HCRTR2: variants seen among roughly 807,000 people sequenced by gnomAD.
HCRTR2 encodes the protein orexin receptor type 2.
HCRTR2 carries 22 observed loss-of-function variants against 49.0 expected under a neutral mutation model. The observed-to-expected ratio is 0.45, with a 90% CI of 0.32 to 0.64. The LOEUF is 0.64. Among genes scored for constraint, HCRTR2 ranks in the 30% least tolerant of loss-of-function variants. The probability of loss-of-function intolerance (pLI) is 0.04; values close to 1 mark genes in which losing one functional copy is unlikely to be tolerated. For synonymous variants in HCRTR2, 236 were observed against 205.3 expected (o/e 1.15, Z -1.28); for missense variants, 491 against 559.4 (o/e 0.88, Z 1.23).
At chr6:55,235,319 A>G (rs532320486) in intron 1 of HCRTR2, among the ~76,000 whole-genome samples, 3 of 152,212 alleles carry the variant, frequency 2.0e-5, no homozygotes, top group South Asian at 4.1e-4. Flanking sequence ...ACATTTTTAT[A>G]CATGTGTGAT....
chr6:55,238,098 C>A lies in HCRTR2; in HGVS notation c.224-10541C>A, dbSNP rs376863429. Reference sequence around the variant, plus strand: ...ACTGGGTATTGACACTAGGATAACTCACAGGTGCTTCAAAATTACATATAC... The same window carrying A: ...ACTGGGTATTGACACTAGGATAACTAACAGGTGCTTCAAAATTACATATAC... On this transcript the variant is annotated intron_variant, in intron 1 of 6. Coordinates refer to ENST00000370862, the MANE Select transcript of HCRTR2 (RefSeq NM_001384272.1). 4.2e-4 allele frequency among the ~76,000 whole-genome samples: 64 copies of A among 152,284 alleles called. 1 individual carries two copies. Among genetic ancestry groups the A allele is most frequent in the African/African-American group, 1.4e-3 (60 of 41,570 alleles).
chr6:55,272,092 A>C (rs909450159), intron 4 of HCRTR2, among the ~76,000 whole-genome samples: 2 of 152,140 alleles, frequency 1.3e-5, no homozygotes, highest in Admixed American at 6.6e-5. Context: ...CATAGTAGCC[A>C]AAAAGTGGAA....
chr6:55,139,843 G>A (rs1173835758), intron 1 of HCRTR2, among the ~76,000 whole-genome samples: 2 of 152,202 alleles, frequency 1.3e-5, no homozygotes, highest in Non-Finnish European at 2.9e-5. Flanking sequence ...AGTAAAGTAG[G>A]TAGACTCAGA....
chr6:55,113,430 C>G (rs997537268), intron 1 of HCRTR2, among the ~76,000 whole-genome samples: 1 of 151,630 alleles, frequency 6.6e-6, no homozygotes, highest in Non-Finnish European at 1.5e-5. Flanking sequence ...AACAAATCTG[C>G]AAGAAGAAAA....
chr6:55,211,342 G>C (rs1257504866), intron 1 of HCRTR2, among the ~76,000 whole-genome samples: 1 of 152,096 alleles, frequency 6.6e-6, no homozygotes, highest in Non-Finnish European at 1.5e-5. Context: ...TGAATGTTCT[G>C]TACTTTCCAT....
chr6:55,270,834 G>A (rs1562029134), intron 4 of HCRTR2, among the ~76,000 whole-genome samples: 1 of 152,046 alleles, frequency 6.6e-6, no homozygotes, highest in Non-Finnish European at 1.5e-5. Context: ...TCAGATAAGG[G>A]ATATTCAATC....
chr6:55,207,988 G>A (rs1295119412), intron 1 of HCRTR2, among the ~76,000 whole-genome samples: 1 of 152,060 alleles, frequency 6.6e-6, no homozygotes, highest in African/African-American at 2.4e-5. Flanking sequence ...TTTTGTTTTA[G>A]TATCTCTTCC....
At chr6:55,113,979 G>A (rs1326843578) in intron 1 of HCRTR2, among the ~76,000 whole-genome samples, 1 of 151,836 alleles carries the variant, frequency 6.6e-6, no homozygotes, top group Non-Finnish European at 1.5e-5. Context: ...ATGAAATAAT[G>A]GCATTCATAG....
intron 1 of HCRTR2, among the ~76,000 whole-genome samples, chr6:55,185,559 G>T (rs981531372): frequency 3.3e-5 from 5 of 152,190 alleles, no homozygotes; most frequent in Admixed American, 3.3e-4. Context: ...GGGATTGGAT[G>T]ATATGAATAA....
At chr6:55,144,629 C>T (rs1020907557) in intron 1 of HCRTR2, among the ~76,000 whole-genome samples, 2 of 152,140 alleles carry the variant, frequency 1.3e-5, no homozygotes, top group African/African-American at 4.8e-5. Flanking sequence ...GTAGAGCGCA[C>T]GTTGGATCCC....
At chr6:55,282,689 C>T, downstream of HCRTR2, 1 of 492,434 alleles carries the variant, frequency 2.0e-6, no homozygotes. Context: ...GGCTATTTCA[C>T]TTTTAGTTTC....
intron 1 of HCRTR2, among the ~76,000 whole-genome samples, chr6:55,151,171 G>T (rs1019433055): frequency 3.9e-5 from 6 of 151,936 alleles, no homozygotes; most frequent in African/African-American, 1.4e-4. Context: ...GGTTGAGGTG[G>T]CTGTGGTAAT....
At chr6:55,135,155 T>C (rs1415125433) in intron 1 of HCRTR2, among the ~76,000 whole-genome samples, 2 of 152,010 alleles carry the variant, frequency 1.3e-5, no homozygotes, top group Non-Finnish European at 2.9e-5. Flanking sequence ...CTGTAAAAAA[T>C]ATTTGTCCAA....
At chr6:55,181,340 C>G (rs113279543) in intron 1 of HCRTR2, among the ~76,000 whole-genome samples, 10 of 152,058 alleles carry the variant, frequency 6.6e-5, no homozygotes, top group Non-Finnish European at 1.5e-4. Flanking sequence ...GAGAAGTGAT[C>G]TCTTAACCAA....
intron 1 of HCRTR2, among the ~76,000 whole-genome samples, chr6:55,230,917 C>T (rs1357834398): frequency 1.3e-5 from 2 of 151,510 alleles, no homozygotes; most frequent in Admixed American, 6.6e-5. Context: ...TGTATAGAAT[C>T]CTTTGTTGGG....
intron 1 of HCRTR2, among the ~76,000 whole-genome samples, chr6:55,128,555 C>G (rs973824383): frequency 6.6e-5 from 10 of 152,166 alleles, no homozygotes; most frequent in Non-Finnish European, 1.3e-4. Context: ...TATCCATGCT[C>G]ATGGGAATAT....
At chr6:55,156,636 G>A (rs1764734010) in intron 1 of HCRTR2, among the ~76,000 whole-genome samples, 1 of 151,482 alleles carries the variant, frequency 6.6e-6, no homozygotes, top group South Asian at 2.1e-4. Flanking sequence ...TATGGATGTT[G>A]ATGCAAAAAT....
intron 1 of HCRTR2, among the ~76,000 whole-genome samples, chr6:55,117,441 A>C (rs1479574477): frequency 6.6e-6 from 1 of 151,740 alleles, no homozygotes; most frequent in Admixed American, 6.6e-5. Context: ...ACTGATACAC[A>C]ATCGTTGTAC....
intron 1 of HCRTR2, among the ~76,000 whole-genome samples, chr6:55,129,621 TA>T (rs1195320965): frequency 6.6e-6 from 1 of 152,110 alleles, no homozygotes; most frequent in African/African-American, 2.4e-5. Flanking sequence ...GTTCCATAAA[TA>T]TTTTTTAGCA....
Sources: gnomAD v4.1 joint callset for allele counts (sites outside exome capture counted in the v4.1 genomes callset) on GRCh38, gnomAD v4.1.1 for gene constraint, MANE v1.5 for transcripts, NCBI Gene and HGNC (gene_info 2026-07-23, HGNC 2026-07-21) for gene names.